The following LRRC53 variants were observed in gnomAD, a reference collection of about 807,000 sequenced individuals.
LRRC53 encodes the protein leucine-rich repeat-containing protein 53.
A neutral mutation model predicts 13.6 loss-of-function variants in LRRC53; 25 were observed. The observed-to-expected ratio is 1.83, with a 90% CI of 1.34 to 2.56. The LOEUF is 2.56. LRRC53 is among the 30% of genes most tolerant of loss of function. LRRC53 has a pLI of 0.00. For synonymous variants in LRRC53, 204 were observed against 109.8 expected, an observed-to-expected ratio of 1.86 and a Z score of -5.37; for missense variants, 527 against 275.8, an observed-to-expected ratio of 1.91 and a Z score of -6.45.
chr1:74,496,583 T>G (rs1398732878), intron 1 of LRRC53, among the ~76,000 whole-genome samples: 2 of 152,056 alleles, frequency 1.3e-5, no homozygotes, highest in Non-Finnish European at 2.9e-5. Flanking sequence ...TTTTATGGGG[T>G]TTTTGGTTGT....
At position 74,472,098 on chromosome 1, in the gene LRRC53, T is replaced by C. The variant is rs888513371; in HGVS notation, c.1524A>G (p.Pro508=). ...KRLTNESWQP[P]IEKEDNGLHP... ...GTAAGCCATTGTCTTCTTTTTCTAT[T>C]GGAGGCTGCCATGATTCATTTGTTA... is the stretch of plus-strand genomic sequence containing the variant. Residue 508 remains proline, a synonymous_variant, in exon 5 of 5, where the codon CCA becomes CCG. Transcript: ENST00000294635. 2 of 717,270 alleles carry C rather than the reference T, an allele frequency of 2.8e-6. No individual in the cohort carries two copies. Among genetic ancestry groups the C allele is most frequent in the Non-Finnish European group, 5.2e-6 (2 of 384,876 alleles). The allele number at this position is 717,270 out of a possible 1,614,324, so 44.4% of individuals were successfully genotyped here. A position where few individuals can be genotyped will look rare whatever the true frequency, so the allele number is the denominator to read the frequency against.
chr1:74,470,229 A>C lies in LRRC53; in HGVS notation c.3393T>G (p.Ser1131=), dbSNP rs1667856328. ...SEKYILHDAS[S]AEETITAKDL... is the part of the protein sequence containing the mutation. Reference sequence around the variant, plus strand: ...CTTTAGCTGTAATGGTCTCCTCGGCAGAGCTTGCATCATGTAATATATATT... The same window carrying C: ...CTTTAGCTGTAATGGTCTCCTCGGCCGAGCTTGCATCATGTAATATATATT... The change falls in exon 5 of 5, where the codon TCT becomes TCG. Residue 1131 remains serine, a synonymous_variant. Transcript: ENST00000294635. 1 of 400,728 alleles carries C rather than the reference A, an allele frequency of 2.5e-6. No homozygotes were observed. Among genetic ancestry groups the C allele is most frequent in the East Asian group, 3.6e-5 (1 of 28,066 alleles). The allele number at this position is 400,728 out of a possible 1,614,324, so 24.8% of individuals were successfully genotyped here.
chr1:74,522,315 C>T, the LRRC53 span, among the ~76,000 whole-genome samples: 2 of 152,062 alleles, frequency 1.3e-5, no homozygotes, highest in Admixed American at 6.6e-5. Context: ...ATGCAGCTGC[C>T]GCAAATGTGC....
the LRRC53 span, among the ~76,000 whole-genome samples, chr1:74,536,623 T>A: frequency 6.6e-6 from 1 of 152,106 alleles, no homozygotes; most frequent in Non-Finnish European, 1.5e-5. Context: ...ACCTAAAGAC[T>A]ATGTTATTCT....
upstream of LRRC53, among the ~76,000 whole-genome samples, chr1:74,515,537 G>C (rs550369470): frequency 1.5e-4 from 23 of 152,198 alleles, no homozygotes; most frequent in Non-Finnish European, 2.6e-4. Context: ...TTGGCAACCA[G>C]TTTTACAAGA....
chr1:74,477,514 A>G (rs796118442), intron 3 of LRRC53, among the ~76,000 whole-genome samples: 9 of 152,326 alleles, frequency 5.9e-5, no homozygotes, highest in African/African-American at 1.9e-4. Flanking sequence ...GATATTTTAA[A>G]TGACTAGTGC....
chr1:74,501,310 G>A (rs1669612800), intron 1 of LRRC53, among the ~76,000 whole-genome samples: 1 of 151,962 alleles, frequency 6.6e-6, no homozygotes, highest in Non-Finnish European at 1.5e-5. Flanking sequence ...TTATATTCCA[G>A]TTCTAGAAGT....
chr1:74,529,110 A>C, the LRRC53 span, among the ~76,000 whole-genome samples: 3 of 152,208 alleles, frequency 2.0e-5, no homozygotes, highest in Non-Finnish European at 2.9e-5. Context: ...AAGTAAATAA[A>C]ATTTGGCTGA....
chr1:74,527,562 G>A, the LRRC53 span, among the ~76,000 whole-genome samples: 1 of 152,160 alleles, frequency 6.6e-6, no homozygotes, highest in Non-Finnish European at 1.5e-5. Context: ...TGGTGGATAG[G>A]GAGGGGAGAC....
chr1:74,499,583 A>T (rs985735650), intron 1 of LRRC53, among the ~76,000 whole-genome samples: 2 of 152,158 alleles, frequency 1.3e-5, no homozygotes, highest in African/African-American at 4.8e-5. Context: ...ATTCAGTAAT[A>T]TCTCCAGTTT....
rs148773730 is a variant in LRRC53 at position 74,493,357 on chromosome 1, A to T, written c.-26-9982T>A. On this transcript the variant is annotated intron_variant, in intron 1 of 4. Transcript: ENST00000294635. The stretch of plus-strand genomic sequence containing the variant: ...GTTTTAAAATGGTTATTTCTATGCT[A>T]TGTGAACTTTACCTCGATGAAAACA... 2.9e-3 allele frequency among the ~76,000 whole-genome samples: 446 copies of T among 152,326 alleles called. 3 individuals are homozygous for T. The highest frequency in any genetic ancestry group is 1.0e-2 in the African/African-American group (415 of 41,558).
the LRRC53 span, among the ~76,000 whole-genome samples, chr1:74,532,430 A>C: frequency 1.3e-5 from 2 of 151,660 alleles, no homozygotes; most frequent in Non-Finnish European, 2.9e-5. Flanking sequence ...GTAACTGAAC[A>C]ATAGTTTGAC....
the LRRC53 span, among the ~76,000 whole-genome samples, chr1:74,526,564 G>C: frequency 1.3e-5 from 2 of 152,134 alleles, no homozygotes; most frequent in East Asian, 3.8e-4. Context: ...TTCTTCATTA[G>C]GTTGCAATGA....
At chr1:74,472,385 G>C (rs1189167308) in intron 4 of LRRC53, among the ~76,000 whole-genome samples, 184 bp from the exon 5 acceptor site, 1 of 152,138 alleles carries the variant, frequency 6.6e-6, no homozygotes, top group African/African-American at 2.4e-5. Flanking sequence ...GTTTTGCAAT[G>C]ACACTCTTTA....
chr1:74,536,769 GT>G, the LRRC53 span, among the ~76,000 whole-genome samples: 1 of 152,118 alleles, frequency 6.6e-6, no homozygotes, highest in Admixed American at 6.6e-5. Context: ...GACCAGCAAT[GT>G]TGAAATACTT....
upstream of LRRC53, among the ~76,000 whole-genome samples, chr1:74,514,525 T>C (rs1421476205): frequency 6.6e-6 from 1 of 152,214 alleles, no homozygotes. Context: ...GAACCTACTA[T>C]GTACTAGTAC....
At chr1:74,479,560 A>T (rs1443048146) in intron 3 of LRRC53, among the ~76,000 whole-genome samples, 7 of 152,168 alleles carry the variant, frequency 4.6e-5, no homozygotes, top group Non-Finnish European at 7.3e-5. Context: ...CAGAGCCAGG[A>T]TTCAAACCTA....
intron 1 of LRRC53, among the ~76,000 whole-genome samples, chr1:74,485,275 C>T (rs140559009): frequency 1.3e-4 from 20 of 152,290 alleles, no homozygotes; most frequent in African/African-American, 4.3e-4. Flanking sequence ...AGAGAATAAG[C>T]ATTAGGTAAT....
At chr1:74,519,598 T>G in the LRRC53 span, among the ~76,000 whole-genome samples, 3 of 152,220 alleles carry the variant, frequency 2.0e-5, no homozygotes, top group African/African-American at 4.8e-5. Flanking sequence ...ATTTTTGAAT[T>G]GATTTTTAAA....
Sources: gnomAD v4.1 joint callset for allele counts (sites outside exome capture counted in the v4.1 genomes callset) on GRCh38, gnomAD v4.1.1 for gene constraint, MANE v1.5 for transcripts, NCBI Gene and HGNC (gene_info 2026-07-23, HGNC 2026-07-21) for gene names.